The following BCL2 variants were observed in gnomAD, a reference collection of about 807,000 sequenced individuals.
BCL2 encodes apoptosis regulator Bcl-2.
A neutral mutation model predicts 14.2 loss-of-function variants in BCL2; 1 was observed. That is an observed-to-expected ratio of 0.07 (90% CI 0.02 to 0.33). The LOEUF (loss-of-function observed/expected upper bound fraction) is 0.33, where lower values mean the gene tolerates loss of function less well. Among genes scored for constraint, BCL2 ranks in the 10% least tolerant of loss-of-function variants. The pLI, the probability that BCL2 is intolerant of heterozygous loss-of-function variation, is 0.99. For missense variants in BCL2, 247 were observed against 305.9 expected, an observed-to-expected ratio of 0.81 and a Z score of 1.44; for synonymous variants, 151 against 137.2, an observed-to-expected ratio of 1.10 and a Z score of -0.70.
At chr18:63,239,925 A>C (rs1910951969) in intron 2 of BCL2, among the ~76,000 whole-genome samples, 1 of 152,156 alleles carries the variant, frequency 6.6e-6, no homozygotes, top group African/African-American at 2.4e-5. Context: ...TGTGGAGAAG[A>C]GAGAGATGTA....
At chr18:63,286,800 C>T (rs1301905957) in intron 2 of BCL2, among the ~76,000 whole-genome samples, 1 of 152,120 alleles carries the variant, frequency 6.6e-6, no homozygotes, top group Non-Finnish European at 1.5e-5. Context: ...AGGCAGGGTC[C>T]TATCTTGCTA....
intron 2 of BCL2, among the ~76,000 whole-genome samples, chr18:63,260,968 A>G (rs1456032284): frequency 2.0e-5 from 3 of 152,250 alleles, no homozygotes; most frequent in African/African-American, 7.2e-5. Flanking sequence ...CAAAGAATTA[A>G]AAGAAGAAGA....
At chr18:63,187,454 T>C (rs1915617559) in intron 2 of BCL2, among the ~76,000 whole-genome samples, 1 of 152,242 alleles carries the variant, frequency 6.6e-6, no homozygotes. Flanking sequence ...TGGGCACCTC[T>C]ACCTCTATGA....
intron 2 of BCL2, among the ~76,000 whole-genome samples, chr18:63,136,154 T>C (rs1460770881): frequency 6.6e-6 from 1 of 152,198 alleles, no homozygotes; most frequent in Non-Finnish European, 1.5e-5. Flanking sequence ...TGTCTGGACA[T>C]TTTCTTTTCT....
Position 63,125,707 on chromosome 18 carries a change from G to A in BCL2, c.*2918C>T, listed in dbSNP as rs1190270096. 1 of 213,512 alleles carries A rather than the reference G, an allele frequency of 4.7e-6. No homozygotes were observed. The highest frequency in any genetic ancestry group is 5.9e-5 in the Admixed American group (1 of 17,030). The allele number at this position is 213,512 out of a possible 1,614,324, so 13.2% of individuals were successfully genotyped here. On this transcript the variant is annotated 3_prime_UTR_variant, in exon 3 of 3. Transcript: ENST00000333681. Reference sequence around the variant, plus strand: ...AAAGAAGAGGAGAAAAAAATGACTAGTTGAGGCTTTTATATACATTCATTG... The same window carrying A: ...AAAGAAGAGGAGAAAAAAATGACTAATTGAGGCTTTTATATACATTCATTG...
In BCL2 at chr18:63,212,522, C is replaced by T. The variant is rs74776544; in HGVS notation, c.586-83763G>A. On this transcript the variant is annotated intron_variant, in intron 2 of 2. Coordinates refer to ENST00000333681, the MANE Select transcript of BCL2 (RefSeq NM_000633.3). ...AGAGAGTGAGTATCACAATAGGTGG[C>T]CACAAGCCACAGTGGGAACTCAGGG... Among the ~76,000 whole-genome samples the T allele has an allele frequency of 3.6e-4, 54 of 151,596 alleles. 1 individual carries two copies. In the East Asian group the frequency reaches 0.01, roughly 28 times the overall value.
intron 2 of BCL2, among the ~76,000 whole-genome samples, chr18:63,270,035 A>C (rs760288309): frequency 1.3e-5 from 2 of 152,184 alleles, no homozygotes; most frequent in African/African-American, 2.4e-5. Flanking sequence ...CATTATACTC[A>C]ACATCACTCA....
At chr18:63,247,554 ATCT>A (rs1352348763) in intron 2 of BCL2, among the ~76,000 whole-genome samples, 1 of 152,168 alleles carries the variant, frequency 6.6e-6, no homozygotes, top group Non-Finnish European at 1.5e-5. Context: ...AAGAATGGAA[ATCT>A]TCTACTAGGG....
intron 2 of BCL2, among the ~76,000 whole-genome samples, chr18:63,290,291 G>C (rs1568259825): frequency 1.3e-5 from 2 of 152,112 alleles, no homozygotes; most frequent in Admixed American, 6.5e-5. Context: ...AGCAGAACTG[G>C]AATTTGCAGA....
chr18:63,178,651 T>C (rs12454712), intron 2 of BCL2, among the ~76,000 whole-genome samples: 53,197 of 151,840 alleles, frequency 0.35, 9,947 homozygotes, highest in South Asian at 0.56. Context: ...CTCACTTGGG[T>C]CTGATGGATG....
At chr18:63,309,474 G>T (rs376396367) in intron 2 of BCL2, among the ~76,000 whole-genome samples, 1 of 152,294 alleles carries the variant, frequency 6.6e-6, no homozygotes, top group Admixed American at 6.5e-5. Context: ...CAGCCAGGAT[G>T]GCACTTGAGT....
chr18:63,135,864 C>T (rs537470462), intron 2 of BCL2, among the ~76,000 whole-genome samples: 2 of 152,324 alleles, frequency 1.3e-5, no homozygotes, highest in East Asian at 3.9e-4. Context: ...TTCCCACCCA[C>T]ATTTGAACCC....
intron 2 of BCL2, chr18:63,302,154 C>T (rs1912978700): frequency 5.4e-6 from 1 of 183,544 alleles, no homozygotes. Flanking sequence ...ATGATGAAAA[C>T]CAGTCTCTAC....
At chr18:63,275,176 G>A (rs551194066) in intron 2 of BCL2, among the ~76,000 whole-genome samples, 1 of 151,846 alleles carries the variant, frequency 6.6e-6, no homozygotes, top group South Asian at 2.1e-4. Context: ...TGAGGCTGCA[G>A]GGAGCCAGTC....
chr18:63,213,077 C>G (rs1274399144), intron 2 of BCL2, among the ~76,000 whole-genome samples: 4 of 152,180 alleles, frequency 2.6e-5, no homozygotes, highest in Non-Finnish European at 5.9e-5. Context: ...CAGAGGAGGA[C>G]AGAGGCAGGC....
At chr18:63,172,257 A>G (rs1599223836) in intron 2 of BCL2, among the ~76,000 whole-genome samples, 1 of 152,192 alleles carries the variant, frequency 6.6e-6, no homozygotes, top group Non-Finnish European at 1.5e-5. Flanking sequence ...ACATCCTTTC[A>G]TTCACGTACT....
intron 2 of BCL2, among the ~76,000 whole-genome samples, chr18:63,173,096 A>G (rs1040283904): frequency 6.6e-5 from 10 of 152,380 alleles, no homozygotes; most frequent in African/African-American, 2.4e-4. Flanking sequence ...GTTGTGATCA[A>G]TTCTCCTTTT....
chr18:63,199,095 T>A, intron 2 of BCL2, among the ~76,000 whole-genome samples: 1 of 128,050 alleles, frequency 7.8e-6, no homozygotes, highest in Non-Finnish European at 1.7e-5. Flanking sequence ...GACACACAAA[T>A]GCACACACAC....
chr18:63,180,103 C>T (rs1039808645), intron 2 of BCL2, among the ~76,000 whole-genome samples: 25 of 152,226 alleles, frequency 1.6e-4, no homozygotes, highest in Non-Finnish European at 3.4e-4. Context: ...CCTTACCTTT[C>T]GGCATCATTC....
Sources: gnomAD v4.1 joint callset for allele counts (sites outside exome capture counted in the v4.1 genomes callset) on GRCh38, gnomAD v4.1.1 for gene constraint, MANE v1.5 for transcripts, NCBI Gene and HGNC (gene_info 2026-07-23, HGNC 2026-07-21) for gene names.